The following ZNF462 variants were observed in gnomAD, a reference collection of about 807,000 sequenced individuals.
The protein encoded by ZNF462 is zinc finger PBX1-interacting protein.
A neutral mutation model predicts 201.9 loss-of-function variants in ZNF462; 10 were observed. The ratio of observed to expected loss-of-function variants is 0.05; its 90% confidence interval spans 0.03 to 0.08. The LOEUF is 0.08. ZNF462 is among the 10% of genes least tolerant of loss of function. The pLI is 1.00. For synonymous variants in ZNF462, 1,227 were observed against 1,193.3 expected (o/e 1.03, Z -0.58); for missense variants, 2,523 against 3,168.3 (o/e 0.80, Z 4.89).
intron 9 of ZNF462, among the ~76,000 whole-genome samples, chr9:106,982,360 C>A (rs1042365313): frequency 2.6e-5 from 4 of 152,130 alleles, no homozygotes; most frequent in African/African-American, 9.7e-5. Flanking sequence ...CACAGGCTGG[C>A]CCCCCACAAC....
At chr9:106,863,011 CAGAG>C (rs771885167), upstream of ZNF462, 2 of 395,492 alleles carry the variant, frequency 5.1e-6, no homozygotes, top group Non-Finnish European at 8.9e-6. Context: ...GAGAGAGACA[CAGAG>C]GGAGGGAGAG....
At chr9:106,931,696 A>G (rs1830433978) in intron 4 of ZNF462, among the ~76,000 whole-genome samples, 1 of 152,174 alleles carries the variant, frequency 6.6e-6, no homozygotes, top group Non-Finnish European at 1.5e-5. Context: ...GCTATCTCGA[A>G]AAACAGGTGA....
rs1830507294 is a variant in ZNF462 at position 106,933,556 on chromosome 9, A to T, written c.6116+1007A>T. ...TAAATGAATATATCCTGTCCTAGGTACTGTACTTTTGGGAAATATAAAGAC... is the reference window on the plus strand; with the variant it reads ...TAAATGAATATATCCTGTCCTAGGTTCTGTACTTTTGGGAAATATAAAGAC... On this transcript the variant is annotated intron_variant, in intron 5 of 12. Coordinates refer to ENST00000277225, the MANE Select transcript of ZNF462 (RefSeq NM_021224.6). This position sits in a 1 kb window ranked among gnomAD's most constrained non-coding sequence, Gnocchi z 4.3. Among the ~76,000 whole-genome samples, 1 of 152,184 alleles carries T rather than the reference A, an allele frequency of 6.6e-6. No homozygotes were observed. Among genetic ancestry groups the T allele is most frequent in the Non-Finnish European group, 1.5e-5 (1 of 68,020 alleles).
chr9:106,955,064 A>G (rs1411410503), intron 7 of ZNF462, among the ~76,000 whole-genome samples: 1 of 152,130 alleles, frequency 6.6e-6, no homozygotes, highest in Non-Finnish European at 1.5e-5. Context: ...AACAACAGAT[A>G]ATGGACTCAT....
rs1588083903 is a variant in ZNF462 at position 106,935,674 on chromosome 9, A to C, written c.6235+53A>C. ...TTCTTTAGCACTCTCTGAGTTTGAA[A>C]CCTGATGATCTTTATTGAGTGAAAT... is the stretch of plus-strand genomic sequence containing the variant. On this transcript the variant is annotated intron_variant, in intron 6 of 12. Transcript: ENST00000277225. This position sits in a 1 kb window ranked among gnomAD's most constrained non-coding sequence, Gnocchi z 4.1. The C allele has an allele frequency of 7.1e-7, 1 of 1,413,372 alleles. No homozygotes were observed. Among genetic ancestry groups the C allele is most frequent in the East Asian group, 2.3e-5 (1 of 43,908 alleles). The allele number at this position is 1,413,372 out of a possible 1,614,324, so 87.6% of individuals were successfully genotyped here.
At chr9:106,992,743 A>G (rs1390441178) in intron 10 of ZNF462, among the ~76,000 whole-genome samples, 1 of 152,118 alleles carries the variant, frequency 6.6e-6, no homozygotes, top group East Asian at 1.9e-4. Flanking sequence ...GATTGATTAC[A>G]AAGGATATGA....
At chr9:106,910,160 GTCA>G (rs1267801620) in intron 1 of ZNF462, among the ~76,000 whole-genome samples, 3 of 151,814 alleles carry the variant, frequency 2.0e-5, no homozygotes, top group Non-Finnish European at 2.9e-5. Context: ...TATTATTTTT[GTCA>G]TCATTTTCTT....
intron 1 of ZNF462, among the ~76,000 whole-genome samples, chr9:106,896,594 T>TG (rs1207106796): frequency 9.9e-5 from 15 of 152,228 alleles, no homozygotes. Flanking sequence ...TATTTGTGTT[T>TG]GGGGGATAGA....
At chr9:106,939,582 G>A (rs1456920407) in intron 7 of ZNF462, among the ~76,000 whole-genome samples, 2 of 152,202 alleles carry the variant, frequency 1.3e-5, no homozygotes, top group Admixed American at 6.5e-5. Flanking sequence ...ACTGAGCCAC[G>A]TGATACCTTA....
Position 106,883,651 on chromosome 9 carries a change from T to C in ZNF462, c.-31+20296T>C, listed in dbSNP as rs988528338. On this transcript the variant is annotated intron_variant, in intron 1 of 12. Coordinates refer to ENST00000277225, the MANE Select transcript of ZNF462 (RefSeq NM_021224.6). The surrounding 1 kb of genome is among the most constrained non-coding windows in gnomAD (Gnocchi z 4.9). The stretch of plus-strand genomic sequence containing the variant: ...TTGGCTAATGGCAGGTGATTTTGTT[T>C]TTGTGTTATTATTTTTGTATTGTAA... Among the ~76,000 whole-genome samples, 1 of 152,206 alleles carries C rather than the reference T, an allele frequency of 6.6e-6. No homozygotes were observed. Among genetic ancestry groups the C allele is most frequent in the Non-Finnish European group, 1.5e-5 (1 of 68,030 alleles).
intron 10 of ZNF462, among the ~76,000 whole-genome samples, chr9:106,994,375 A>C (rs547873750): frequency 2.6e-5 from 4 of 152,124 alleles, no homozygotes; most frequent in Non-Finnish European, 5.9e-5. Flanking sequence ...CAAAAAAGTC[A>C]CTTAGGACAT....
chr9:106,914,341 C>A (rs983295608), intron 1 of ZNF462, among the ~76,000 whole-genome samples: 2 of 152,210 alleles, frequency 1.3e-5, no homozygotes, highest in African/African-American at 4.8e-5. Context: ...GTCGTGGGGA[C>A]TGTCCTGTGC....
chr9:106,882,472 T>C (rs892584161), intron 1 of ZNF462, among the ~76,000 whole-genome samples: 8 of 152,218 alleles, frequency 5.3e-5, no homozygotes, highest in Admixed American at 4.6e-4. Flanking sequence ...TGAAAGTTAA[T>C]GTAAGTTCTC....
At chr9:106,969,112 A>G (rs1169445290) in intron 7 of ZNF462, among the ~76,000 whole-genome samples, 5 of 152,200 alleles carry the variant, frequency 3.3e-5, no homozygotes, top group African/African-American at 1.2e-4. Flanking sequence ...GCAGAAAGGA[A>G]AGTAAAGCCC....
rs1353050539 is a variant in ZNF462 at position 106,890,948 on chromosome 9, T to A, written c.-31+27593T>A. On this transcript the variant is annotated intron_variant, in intron 1 of 12. Transcript: ENST00000277225. The surrounding 1 kb of genome is among the most constrained non-coding windows in gnomAD (Gnocchi z 4.2). The stretch of plus-strand genomic sequence containing the variant: ...ATGGTTTTCTTTGTACCTTTCTGGT[T>A]GAGTAAAGAATAAGATAGTCTTTTT... 6.6e-6 allele frequency among the ~76,000 whole-genome samples: 1 copy of A among 152,210 alleles called. No individual in the cohort carries two copies.
Position 106,926,037 on chromosome 9 carries a change from C to G in ZNF462, c.2125C>G (p.Gln709Glu), listed in dbSNP as rs772343440. The G allele has an allele frequency of 1.2e-6, 2 of 1,614,132 alleles. No individual in the cohort carries two copies. Among genetic ancestry groups the G allele is most frequent in the Non-Finnish European group, 1.7e-6 (2 of 1,180,028 alleles). The change falls in exon 3 of 13, where the codon CAA becomes GAA. Residue 709 changes from glutamine to glutamate, a missense_variant. Gln to Glu is a conservative substitution (Grantham distance 29, BLOSUM62 2). Coordinates refer to ENST00000277225, the MANE Select transcript of ZNF462 (RefSeq NM_021224.6). The surrounding 1 kb of genome is among the most constrained non-coding windows in gnomAD (Gnocchi z 7.9). ...IASNLQSKIN[Q>E]TKQQEDAVIN... ...AAGCAACCTTCAGAGCAAAATTAAC[C>G]AAACCAAACAGCAGGAAGATGCAGT...
At chr9:106,914,234 T>A (rs10816454) in intron 1 of ZNF462, among the ~76,000 whole-genome samples, 23,012 of 140,294 alleles carry the variant, frequency 0.16, 2,471 homozygotes, top group East Asian at 0.23. Context: ...AAAGGGCCTC[T>A]GAAGACAGGT....
intron 7 of ZNF462, among the ~76,000 whole-genome samples, chr9:106,946,980 C>T (rs760852068): frequency 3.3e-5 from 5 of 151,812 alleles, no homozygotes; most frequent in Admixed American, 6.6e-5. Context: ...TTTTGTTAAC[C>T]GTAAATAACA....
Position 106,950,388 on chromosome 9 carries a change from A to G in ZNF462, c.6427+11281A>G, listed in dbSNP as rs914091592. On this transcript the variant is annotated intron_variant, in intron 7 of 12. Transcript: ENST00000277225. The surrounding 1 kb of genome is among the most constrained non-coding windows in gnomAD (Gnocchi z 4.1). ...TTGTCCCAAACTAAATGGAGTGAGC[A>G]GCTGTGTGGTTAGTAGCTGTGGCAA... Among the ~76,000 whole-genome samples the G allele has an allele frequency of 1.3e-5, 2 of 152,210 alleles. No homozygotes were observed. The highest frequency in any genetic ancestry group is 2.9e-5 in the Non-Finnish European group (2 of 68,038).
Sources: gnomAD v4.1 joint callset for allele counts (sites outside exome capture counted in the v4.1 genomes callset) on GRCh38, gnomAD v4.1.1 for gene constraint, Gnocchi (gnomAD v3.1) non-coding constraint, MANE v1.5 for transcripts, NCBI Gene and HGNC (gene_info 2026-07-23, HGNC 2026-07-21) for gene names.